Variants in PIGB observed in about 807,000 individuals in gnomAD.
The protein encoded by PIGB is phosphatidylinositol glycan anchor biosynthesis class B, also known as GPI alpha-1,2-mannosyltransferase 3.
In PIGB, 58 loss-of-function variants were observed where a neutral mutation model predicts 68.4. The ratio of observed to expected loss-of-function variants is 0.85; its 90% confidence interval spans 0.69 to 1.06. The LOEUF (loss-of-function observed/expected upper bound fraction) is 1.06, where lower values mean the gene tolerates loss of function less well. Ranked by LOEUF, PIGB falls within the 50% of genes least tolerant of loss-of-function variation. The probability of loss-of-function intolerance (pLI) is 0.00; values close to 1 mark genes in which losing one functional copy is unlikely to be tolerated. For synonymous variants in PIGB, 219 were observed against 220.5 expected (o/e 0.99, Z 0.06); for missense variants, 634 against 655.8 (o/e 0.97, Z 0.36).
chr15:55,334,073 T>G, intron 6 of PIGB, 66 bp downstream of exon 6: 1 of 1,171,240 alleles, frequency 8.5e-7, no homozygotes, highest in African/African-American at 1.6e-5. Flanking sequence ...CGAACAAGAT[T>G]TTACATCTTT....
At chr15:55,351,232 C>T (rs555213667) in intron 10 of PIGB, among the ~76,000 whole-genome samples, 2 of 151,470 alleles carry the variant, frequency 1.3e-5, no homozygotes, top group African/African-American at 2.4e-5. Context: ...CTCAGCCTCC[C>T]GAGTAGCTGG....
At chr15:55,349,044 G>A (rs1015025126) in intron 9 of PIGB, among the ~76,000 whole-genome samples, 8 of 148,782 alleles carry the variant, frequency 5.4e-5, no homozygotes, top group African/African-American at 1.2e-4. Flanking sequence ...CACCACGCCC[G>A]GCTAATTTTT....
chr15:55,322,897 C>G (rs1226450909), intron 3 of PIGB, among the ~76,000 whole-genome samples: 1 of 152,262 alleles, frequency 6.6e-6, no homozygotes, highest in Non-Finnish European at 1.5e-5. Flanking sequence ...AGAAAATATA[C>G]ATAATCTCAT....
chr15:55,323,505 C>T (rs1469398085), intron 3 of PIGB, among the ~76,000 whole-genome samples: 1 of 152,164 alleles, frequency 6.6e-6, no homozygotes, highest in East Asian at 1.9e-4. Context: ...GCACTGTCCA[C>T]CATGGTAGCC....
rs147340002 is a variant in PIGB, at chr15:55,336,937, C to T, written c.795-2330C>T. On this transcript the variant is annotated intron_variant, in intron 6 of 11. Coordinates refer to ENST00000164305, the MANE Select transcript of PIGB (RefSeq NM_004855.5). ...CCCCAGAGGTAGACGTTGCAATGAA[C>T]TGAAATTGCACCACTGCACTCCAGC... is the stretch of plus-strand genomic sequence containing the variant. 7.8e-3 allele frequency among the ~76,000 whole-genome samples: 1,186 copies of T among 152,332 alleles called. 12 individuals are homozygous for T. Among genetic ancestry groups the T allele is most frequent in the African/African-American group, 0.027 (1,121 of 41,576 alleles).
At chr15:55,350,960 T>G in intron 10 of PIGB, 48 bp downstream of exon 10, 2 of 923,762 alleles carry the variant, frequency 2.2e-6, no homozygotes, top group Non-Finnish European at 3.3e-6. Flanking sequence ...TGAAACTGAC[T>G]ACTTTAAAAT....
At chr15:55,327,032 G>A (rs540563193) in intron 3 of PIGB, among the ~76,000 whole-genome samples, 30 of 152,052 alleles carry the variant, frequency 2.0e-4, no homozygotes, top group Admixed American at 2.0e-3. Context: ...TCAGTAGACT[G>A]AGGCAGGAAA....
intron 3 of PIGB, among the ~76,000 whole-genome samples, chr15:55,327,219 AAT>A (rs10563845): frequency 0.27 from 39,909 of 146,214 alleles, 6,568 homozygotes; most frequent in East Asian, 0.57. Context: ...TTTATATATA[AAT>A]ATATATATTT....
At chr15:55,334,705 T>TA in intron 6 of PIGB, among the ~76,000 whole-genome samples, 1 of 152,270 alleles carries the variant, frequency 6.6e-6, no homozygotes, top group African/African-American at 2.4e-5. Flanking sequence ...TGTACTTTAG[T>TA]TTCTCTGTTT....
chr15:55,328,959 GA>G (rs949423637), intron 4 of PIGB, among the ~76,000 whole-genome samples: 3 of 149,790 alleles, frequency 2.0e-5, no homozygotes, highest in Admixed American at 6.6e-5. Flanking sequence ...CCTTCTCGAA[GA>G]AAAAAAAAGG....
chr15:55,355,062 A>C, intron 11 of PIGB, 84 bp downstream of exon 11: 1 of 1,161,120 alleles, frequency 8.6e-7, no homozygotes, highest in South Asian at 1.4e-5. Flanking sequence ...AGATAATATA[A>C]CCTTTTTATG....
intron 10 of PIGB, 100 bp downstream of exon 10, chr15:55,351,012 C>CA (rs1190487456): frequency 1.6e-6 from 1 of 642,002 alleles, no homozygotes; most frequent in African/African-American, 1.8e-5. Context: ...GGTCACTGAT[C>CA]AAATGATAAA....
chr15:55,333,089 CA>C (rs1461047764), intron 5 of PIGB, among the ~76,000 whole-genome samples: 1 of 151,948 alleles, frequency 6.6e-6, no homozygotes, highest in Non-Finnish European at 1.5e-5. Context: ...GAAACTTGAT[CA>C]TTTTTTTTTC....
intron 7 of PIGB, chr15:55,340,147 T>G (rs2055630687): frequency 6.6e-6 from 1 of 152,244 alleles, no homozygotes; most frequent in Admixed American, 6.5e-5. Flanking sequence ...TAAGAAGGAT[T>G]TCATACAGTC....
chr15:55,327,516 T>A lies in PIGB; in HGVS notation c.418-15T>A. 1 of 1,552,792 alleles carries A rather than the reference T, an allele frequency of 6.4e-7. No individual in the cohort carries two copies. Among genetic ancestry groups the A allele is most frequent in the Non-Finnish European group, 8.8e-7 (1 of 1,131,878 alleles). ...GATATTTTTAACATCCTGTTCTTCT[T>A]TTTAACTGATGAAGATTTGGATTCC... On this transcript the variant is annotated splice_polypyrimidine_tract_variant and intron_variant, in intron 3 of 11. Coordinates refer to ENST00000164305, the MANE Select transcript of PIGB (RefSeq NM_004855.5).
At chr15:55,353,254 C>A (rs1391480900) in intron 10 of PIGB, among the ~76,000 whole-genome samples, 1 of 152,162 alleles carries the variant, frequency 6.6e-6, no homozygotes. Flanking sequence ...AGAGCAACAT[C>A]TGTCCCTTGA....
At chr15:55,335,642 G>C (rs952716722) in intron 6 of PIGB, among the ~76,000 whole-genome samples, 1 of 152,206 alleles carries the variant, frequency 6.6e-6, no homozygotes, top group African/African-American at 2.4e-5. Flanking sequence ...TTTTAAATAG[G>C]GTAGTTGGGA....
chr15:55,353,998 T>TAAAAATAAA (rs112479438), intron 10 of PIGB, among the ~76,000 whole-genome samples: 1 of 112,034 alleles, frequency 8.9e-6, no homozygotes, highest in African/African-American at 4.2e-5. Flanking sequence ...TCATCTTAAA[T>TAAAAATAAA]AAAAAAAAAA....
At chr15:55,329,700 T>A in intron 4 of PIGB, 24 bp from the exon 5 acceptor site, 1 of 1,593,670 alleles carries the variant, frequency 6.3e-7, no homozygotes, top group Non-Finnish European at 8.6e-7. Context: ...ATTTCATATA[T>A]GTTTGCTCTG....
Sources: gnomAD v4.1 joint callset for allele counts (sites outside exome capture counted in the v4.1 genomes callset) on GRCh38, gnomAD v4.1.1 for gene constraint, MANE v1.5 for transcripts, NCBI Gene and HGNC (gene_info 2026-07-23, HGNC 2026-07-21) for gene names.